Variants in PUDP observed in about 807,000 individuals in gnomAD.
PUDP encodes pseudouridine-5'-phosphatase.
In PUDP, 8 loss-of-function variants were observed where a neutral mutation model predicts 9.4. The ratio of observed to expected loss-of-function variants is 0.85; its 90% confidence interval spans 0.50 to 1.53. PUDP has a LOEUF of 1.53. PUDP is among the 40% of genes most tolerant of loss of function. PUDP has a pLI of 0.00. For missense variants in PUDP, 188 were observed against 189.7 expected, an observed-to-expected ratio of 0.99 and a Z score of 0.05; for synonymous variants, 99 against 80.7, an observed-to-expected ratio of 1.23 and a Z score of -1.22.
intron 2 of PUDP, among the ~76,000 whole-genome samples, chrX:7,100,837 G>T (rs959857732): frequency 3.6e-5 from 4 of 112,211 alleles, no homozygotes; most frequent in Non-Finnish European, 3.8e-5. Flanking sequence ...CACATTTCTG[G>T]ATTGGAATTA....
chrX:6,922,791 C>T (rs1169349618), intron 3 of PUDP, among the ~76,000 whole-genome samples: 1 of 111,932 alleles, frequency 8.9e-6, no homozygotes, highest in African/African-American at 3.2e-5. Context: ...ACCAGCTTCT[C>T]TCTCCTTCTC....
intron 3 of PUDP, among the ~76,000 whole-genome samples, chrX:6,879,945 C>T (rs1412674818): frequency 9.1e-6 from 1 of 110,403 alleles, no homozygotes; most frequent in Non-Finnish European, 1.9e-5. Context: ...GTAACTCCCC[C>T]TTATCTCAAG....
At chrX:6,811,402 C>T (rs749780227) in intron 3 of PUDP, among the ~76,000 whole-genome samples, 24 of 110,894 alleles carry the variant, frequency 2.2e-4, no homozygotes, top group Non-Finnish European at 3.4e-4. Flanking sequence ...GCAACCTCCA[C>T]TTTCCAGGTT....
intron 1 of PUDP, among the ~76,000 whole-genome samples, chrX:6,720,843 A>T (rs1164243014): frequency 9.0e-6 from 1 of 110,966 alleles, no homozygotes; most frequent in Non-Finnish European, 1.9e-5. Context: ...AAAAGAATTC[A>T]TATCTCTATT....
At chrX:6,754,374 G>A (rs892480822) in intron 3 of PUDP, among the ~76,000 whole-genome samples, 13 of 111,181 alleles carry the variant, frequency 1.2e-4, no homozygotes, top group Non-Finnish European at 2.3e-4. Flanking sequence ...ATGTGGAACT[G>A]TGAGTCCATT....
intron 3 of PUDP, among the ~76,000 whole-genome samples, chrX:6,960,363 T>C (rs1928689001): frequency 8.9e-6 from 1 of 112,023 alleles, no homozygotes; most frequent in African/African-American, 3.2e-5. Flanking sequence ...GTGAGTTCCT[T>C]ATATAAGGCC....
rs1307162838 is a variant in PUDP, at chrX:6,765,504, T to C, written c.*248-59038A>G. Among the ~76,000 whole-genome samples the C allele has an allele frequency of 2.7e-5, 3 of 112,095 alleles. No individual in the cohort carries two copies. In the Admixed American group the frequency reaches 2.9e-4, roughly 11 times the overall value. On this transcript the variant is annotated intron_variant and NMD_transcript_variant, in intron 3 of 3. Coordinates refer to the PUDP transcript ENST00000655425. ...TTACAAATATTTTAATTATGTCCAT[T>C]TTTCATACTATCATGTCGATTTCTA...
At chrX:6,714,582 TGATA>T (rs750159438) in intron 1 of PUDP, among the ~76,000 whole-genome samples, 111 of 110,618 alleles carry the variant, frequency 1.0e-3, no homozygotes, top group African/African-American at 2.4e-3. Context: ...TAGATGGAGA[TGATA>T]GATAGATATG....
intron 1 of PUDP, among the ~76,000 whole-genome samples, chrX:6,720,770 C>T (rs748988573): frequency 2.2e-4 from 24 of 110,870 alleles, no homozygotes; most frequent in Non-Finnish European, 4.5e-4. Context: ...AAACCTCACA[C>T]GGTACACAGT....
At chrX:6,889,195 T>C (rs1927476532) in intron 3 of PUDP, among the ~76,000 whole-genome samples, 1 of 112,330 alleles carries the variant, frequency 8.9e-6, no homozygotes, top group African/African-American at 3.2e-5. Flanking sequence ...ACATACTACT[T>C]GCTGGGTTTT....
At chrX:6,886,258 G>A (rs779380628) in intron 3 of PUDP, among the ~76,000 whole-genome samples, 2 of 112,118 alleles carry the variant, frequency 1.8e-5, no homozygotes, top group East Asian at 2.8e-4. Flanking sequence ...AAAAGAGGCA[G>A]GTCCTTTACT....
intron 3 of PUDP, among the ~76,000 whole-genome samples, chrX:6,892,285 C>T (rs1927527635): frequency 9.0e-6 from 1 of 111,672 alleles, no homozygotes; most frequent in South Asian, 3.8e-4. Context: ...GTGCTCTCCA[C>T]AAAATTCTTA....
downstream of PUDP, among the ~76,000 whole-genome samples, chrX:7,047,169 T>G (rs1929993679): frequency 8.9e-6 from 1 of 111,937 alleles, no homozygotes; most frequent in Admixed American, 9.5e-5. Context: ...GGTAACACAA[T>G]GATCTCACTG....
At chrX:7,073,241 T>A (rs1022359180) in intron 3 of PUDP, among the ~76,000 whole-genome samples, 1 of 112,329 alleles carries the variant, frequency 8.9e-6, no homozygotes, top group Non-Finnish European at 1.9e-5. Context: ...GATACATGAA[T>A]AACTTAGAAA....
At chrX:6,853,288 T>A (rs1183929821) in intron 3 of PUDP, among the ~76,000 whole-genome samples, 3 of 111,111 alleles carry the variant, frequency 2.7e-5, no homozygotes, top group Non-Finnish European at 5.7e-5. Flanking sequence ...TGGGGTTTTT[T>A]TCTTTCTCCT....
At chrX:6,921,777 G>C (rs754938193) in intron 3 of PUDP, among the ~76,000 whole-genome samples, 4 of 109,454 alleles carry the variant, frequency 3.7e-5, no homozygotes, top group African/African-American at 1.3e-4. Flanking sequence ...TCCCTCCATT[G>C]GCCCTATCAC....
chrX:6,946,999 TTG>T (rs199875369), intron 3 of PUDP, among the ~76,000 whole-genome samples: 20,290 of 75,373 alleles, frequency 0.27, 1,690 homozygotes, highest in Admixed American at 0.42. Context: ...TTCTGTTTGT[TTG>T]TTTTTTTTTT....
intron 3 of PUDP, among the ~76,000 whole-genome samples, chrX:6,906,403 A>C (rs1159071243): frequency 8.9e-6 from 1 of 112,418 alleles, no homozygotes; most frequent in Non-Finnish European, 1.9e-5. Context: ...ATGATTATGT[A>C]TTCTCTCTGA....
At chrX:7,147,906 G>T in intron 1 of PUDP, 147 bp downstream of exon 1, 1 of 389,529 alleles carries the variant, frequency 2.6e-6, no homozygotes, top group Admixed American at 4.7e-5. Flanking sequence ...TTCGGGGCCA[G>T]CCGGGGGCAG....
Sources: allele counts gnomAD v4.1 joint callset (sites outside exome capture counted in the v4.1 genomes callset), GRCh38; gene constraint gnomAD v4.1.1; transcripts MANE v1.5; gene names NCBI Gene and HGNC (gene_info 2026-07-23, HGNC 2026-07-21).